The following FHIT variants were observed in gnomAD, a reference collection of about 807,000 sequenced individuals.
FHIT encodes the protein fragile histidine triad diadenosine triphosphatase.
In FHIT, 19 loss-of-function variants were observed where a neutral mutation model predicts 17.9. That is an observed-to-expected ratio of 1.06 (90% CI 0.74 to 1.56). The LOEUF (loss-of-function observed/expected upper bound fraction) is 1.56, where lower values mean the gene tolerates loss of function less well. FHIT is among the 40% of genes most tolerant of loss of function. The probability of loss-of-function intolerance (pLI) is 0.00; values close to 1 mark genes in which losing one functional copy is unlikely to be tolerated. For missense variants in FHIT, 248 were observed against 189.2 expected (o/e 1.31, Z -1.82); for synonymous variants, 81 against 69.7 (o/e 1.16, Z -0.81).
chr3:60,611,915 G>C (rs1225248666), intron 4 of FHIT, among the ~76,000 whole-genome samples: 1 of 152,090 alleles, frequency 6.6e-6, no homozygotes, highest in African/African-American at 2.4e-5. Flanking sequence ...CTCTGTTCTA[G>C]GCAGTCATGT....
intron 4 of FHIT, among the ~76,000 whole-genome samples, chr3:60,668,371 G>GAAAA (rs60941309): frequency 1.1e-3 from 74 of 68,014 alleles, no homozygotes; most frequent in African/African-American, 3.9e-3. Context: ...GCTCAATCAG[G>GAAAA]AAAAAAAAAA....
Position 59,949,490 on chromosome 3 carries a change from A to C in FHIT, c.280-27076T>G, listed in dbSNP as rs1259697666. Among the ~76,000 whole-genome samples the C allele has an allele frequency of 2.0e-5, 3 of 152,260 alleles. No homozygotes were observed. The East Asian group carries it at 5.8e-4, about 29-fold the overall frequency. On this transcript the variant is annotated intron_variant, in intron 7 of 9. Coordinates refer to ENST00000492590, the MANE Select transcript of FHIT (RefSeq NM_002012.4). ...CAGTTACTATAAGACTTCAGCCTAAAGCAAAAGCCACGGTTACCATGGATA... is the reference window on the plus strand; with the variant it reads ...CAGTTACTATAAGACTTCAGCCTAACGCAAAAGCCACGGTTACCATGGATA...
rs1376984545 is a variant in FHIT, at chr3:59,883,679, G to C, written c.348+38667C>G. Among the ~76,000 whole-genome samples, 4 of 152,240 alleles carry C rather than the reference G, an allele frequency of 2.6e-5. No individual in the cohort carries two copies. The East Asian group carries it at 5.8e-4, about 22-fold the overall frequency. On this transcript the variant is annotated intron_variant, in intron 8 of 9. Coordinates refer to ENST00000492590, the MANE Select transcript of FHIT (RefSeq NM_002012.4). ...TCTTGTGGTGGAAATACTCTCAGTAGTGTGCTACCGCACGTCTCTTTCCAA... is the reference window on the plus strand; with the variant it reads ...TCTTGTGGTGGAAATACTCTCAGTACTGTGCTACCGCACGTCTCTTTCCAA...
At chr3:60,133,600 T>C (rs986266879) in intron 5 of FHIT, among the ~76,000 whole-genome samples, 2 of 152,068 alleles carry the variant, frequency 1.3e-5, no homozygotes, top group Non-Finnish European at 2.9e-5. Context: ...GTGTGGAAGA[T>C]TGTCCTGAGA....
chr3:60,437,213 G>C (rs1436559944), intron 5 of FHIT, among the ~76,000 whole-genome samples: 2 of 152,098 alleles, frequency 1.3e-5, no homozygotes, highest in Non-Finnish European at 2.9e-5. Flanking sequence ...ATAAATCGTA[G>C]ACATGTGGGC....
At chr3:60,426,555 C>G (rs961528739) in intron 5 of FHIT, among the ~76,000 whole-genome samples, 10 of 152,088 alleles carry the variant, frequency 6.6e-5, no homozygotes, top group African/African-American at 1.9e-4. Context: ...TTCATTCATT[C>G]CCTTATAGCT....
At chr3:61,025,521 C>T (rs1237903267) in intron 3 of FHIT, among the ~76,000 whole-genome samples, 2 of 151,962 alleles carry the variant, frequency 1.3e-5, no homozygotes, top group African/African-American at 2.4e-5. Flanking sequence ...CTTCTCTCTT[C>T]CTTATCAACA....
At chr3:60,787,172 A>G (rs1553727217) in intron 4 of FHIT, among the ~76,000 whole-genome samples, 1 of 152,184 alleles carries the variant, frequency 6.6e-6, no homozygotes, top group African/African-American at 2.4e-5. Flanking sequence ...TGTGGGTATA[A>G]AGAGAAATTT....
At chr3:61,013,687 T>A (rs58997631) in intron 3 of FHIT, among the ~76,000 whole-genome samples, 11,188 of 152,222 alleles carry the variant, frequency 0.073, 449 homozygotes, top group East Asian at 0.17. Context: ...AGGAGGTGGA[T>A]AATTTAAAGC....
intron 5 of FHIT, among the ~76,000 whole-genome samples, chr3:60,163,299 A>T (rs1701019261): frequency 6.6e-6 from 1 of 151,954 alleles, no homozygotes; most frequent in Non-Finnish European, 1.5e-5. Context: ...CTACTATGTC[A>T]CCTCCAAAGG....
intron 5 of FHIT, among the ~76,000 whole-genome samples, chr3:60,399,631 A>G (rs562871179): frequency 1.3e-5 from 2 of 152,160 alleles, no homozygotes; most frequent in African/African-American, 4.8e-5. Context: ...TTCAGAGGAT[A>G]AATTACTTTT....
intron 8 of FHIT, among the ~76,000 whole-genome samples, chr3:59,767,087 T>C (rs905642048): frequency 2.0e-5 from 3 of 152,190 alleles, no homozygotes; most frequent in African/African-American, 7.2e-5. Context: ...AAATGGCTAT[T>C]TGGGCCTTGG....
intron 5 of FHIT, among the ~76,000 whole-genome samples, chr3:60,479,538 G>T (rs545283382): frequency 1.3e-5 from 2 of 152,266 alleles, no homozygotes; most frequent in South Asian, 4.1e-4. Flanking sequence ...AGTGATGCTG[G>T]TATAAATGAA....
At chr3:60,277,643 T>C (rs1354590236) in intron 5 of FHIT, among the ~76,000 whole-genome samples, 3 of 152,132 alleles carry the variant, frequency 2.0e-5, no homozygotes, top group South Asian at 2.1e-4. Context: ...TTGGGCCCTA[T>C]GTAAATCAGA....
At chr3:60,006,548 C>T (rs965838049) in intron 7 of FHIT, among the ~76,000 whole-genome samples, 1 of 151,986 alleles carries the variant, frequency 6.6e-6, no homozygotes, top group African/African-American at 2.4e-5. Flanking sequence ...ATTCTATATC[C>T]ATGTCCAAAT....
At chr3:59,983,185 C>T (rs1431946423) in intron 7 of FHIT, among the ~76,000 whole-genome samples, 2 of 152,044 alleles carry the variant, frequency 1.3e-5, no homozygotes, top group Non-Finnish European at 2.9e-5. Context: ...GCAGTCGGCC[C>T]ACCTCAGTCT....
chr3:59,888,381 A>C (rs777310277), intron 8 of FHIT, among the ~76,000 whole-genome samples: 1 of 152,226 alleles, frequency 6.6e-6, no homozygotes, highest in African/African-American at 2.4e-5. Flanking sequence ...TACTGAAACT[A>C]GACAAATTCC....
chr3:60,831,661 T>G (rs2736752), intron 3 of FHIT, among the ~76,000 whole-genome samples: 43,713 of 151,926 alleles, frequency 0.29, 8,029 homozygotes, highest in African/African-American at 0.52. Flanking sequence ...AGTATGCCAA[T>G]AACTTTTCAT....
In FHIT at chr3:60,844,343, G is replaced by A. The variant is rs1176540481; in HGVS notation, c.-110-22332C>T. Among the ~76,000 whole-genome samples, 7 of 151,988 alleles carry A rather than the reference G, an allele frequency of 4.6e-5. No homozygotes were observed. The South Asian group carries it at 8.3e-4, about 18-fold the overall frequency. On this transcript the variant is annotated intron_variant, in intron 3 of 9. Coordinates refer to ENST00000492590, the MANE Select transcript of FHIT (RefSeq NM_002012.4). ...GCATTTTGTGCAATCCTGGGGAATAGATTTTCTTAGGTATTTCATAAAATC... is the reference window on the plus strand; with the variant it reads ...GCATTTTGTGCAATCCTGGGGAATAAATTTTCTTAGGTATTTCATAAAATC...
Sources: allele counts gnomAD v4.1 joint callset (sites outside exome capture counted in the v4.1 genomes callset), GRCh38; gene constraint gnomAD v4.1.1; transcripts MANE v1.5; gene names NCBI Gene and HGNC (gene_info 2026-07-23, HGNC 2026-07-21).